The following SLCO3A1 variants were observed in gnomAD, a reference collection of about 807,000 sequenced individuals.
SLCO3A1 encodes PGE1 transporter.
SLCO3A1 carries 27 observed loss-of-function variants against 63.1 expected under a neutral mutation model. The observed-to-expected ratio is 0.43, with a 90% confidence interval of 0.32 to 0.59. The LOEUF (loss-of-function observed/expected upper bound fraction) is 0.59, where lower values mean the gene tolerates loss of function less well. Ranked by LOEUF, SLCO3A1 falls within the 20% of genes least tolerant of loss-of-function variation. The probability of loss-of-function intolerance (pLI) is 0.09; values close to 1 mark genes in which losing one functional copy is unlikely to be tolerated. For synonymous variants in SLCO3A1, 473 were observed against 409.9 expected (o/e 1.15, Z -1.86); for missense variants, 773 against 945.8 (o/e 0.82, Z 2.40).
intron 2 of SLCO3A1, among the ~76,000 whole-genome samples, chr15:92,020,152 A>G (rs780573129): frequency 3.9e-5 from 6 of 152,198 alleles, no homozygotes; most frequent in Non-Finnish European, 7.3e-5. Context: ...GTTTTTTACC[A>G]GCCAAGTAGA....
intron 6 of SLCO3A1, among the ~76,000 whole-genome samples, chr15:92,127,778 C>T (rs1425439558): frequency 6.6e-6 from 1 of 152,106 alleles, no homozygotes; most frequent in Non-Finnish European, 1.5e-5. Context: ...ATCAATTAGA[C>T]AATAATTATT....
chr15:91,975,557 A>G (rs576104874), intron 2 of SLCO3A1, among the ~76,000 whole-genome samples: 1 of 152,336 alleles, frequency 6.6e-6, no homozygotes, highest in East Asian at 1.9e-4. Flanking sequence ...GGTTCAGCCT[A>G]GGAGCTTGTT....
intron 2 of SLCO3A1, among the ~76,000 whole-genome samples, chr15:92,019,717 A>G (rs932611258): frequency 2.6e-5 from 4 of 152,210 alleles, no homozygotes; most frequent in Non-Finnish European, 5.9e-5. Flanking sequence ...GCAGGCAGGA[A>G]AGGGAGGCCT....
chr15:91,859,866 T>C lies in SLCO3A1; in HGVS notation c.180+5778T>C, dbSNP rs571008979. On this transcript the variant is annotated intron_variant, in intron 1 of 9. Transcript: ENST00000318445. This position sits in a 1 kb window ranked among gnomAD's most constrained non-coding sequence, Gnocchi z 5.1. ...AGCCCCAACCAATGAGAAATAAAAT[T>C]ATTTCAATTAAACTTTAGTTTTGGT... Among the ~76,000 whole-genome samples the C allele has an allele frequency of 3.3e-3, 497 of 152,306 alleles. 7 individuals carry two copies. The highest frequency in any genetic ancestry group is 0.011 in the African/African-American group (460 of 41,562).
intron 2 of SLCO3A1, among the ~76,000 whole-genome samples, chr15:92,028,246 G>A (rs12905838): frequency 4.6e-5 from 7 of 151,774 alleles, no homozygotes; most frequent in Admixed American, 1.3e-4. Context: ...CCACAAGTCC[G>A]TTGAAGTCCC....
chr15:92,008,605 A>C (rs1434798239), intron 2 of SLCO3A1, among the ~76,000 whole-genome samples: 1 of 152,228 alleles, frequency 6.6e-6, no homozygotes, highest in African/African-American at 2.4e-5. Flanking sequence ...TTGGGGAGTC[A>C]ACATTGACAC....
intron 2 of SLCO3A1, among the ~76,000 whole-genome samples, chr15:91,966,990 G>T (rs1354022773): frequency 6.6e-6 from 1 of 151,808 alleles, no homozygotes; most frequent in Non-Finnish European, 1.5e-5. Context: ...AGTTTTTTGG[G>T]GATTTTTTTT....
intron 1 of SLCO3A1, among the ~76,000 whole-genome samples, chr15:91,874,833 A>G (rs1048878913): frequency 6.6e-6 from 1 of 152,128 alleles, no homozygotes; most frequent in Non-Finnish European, 1.5e-5. Flanking sequence ...GTATCTGATT[A>G]TTTCCTCGTG....
rs2046684418 is a variant in SLCO3A1 at position 92,033,692 on chromosome 15, T to A, written c.647-61189T>A. Among the ~76,000 whole-genome samples the A allele has an allele frequency of 6.6e-6, 1 of 152,056 alleles. No homozygotes were observed. Among genetic ancestry groups the A allele is most frequent in the Admixed American group, 6.5e-5 (1 of 15,270 alleles). The stretch of plus-strand genomic sequence containing the variant: ...GGAGAGAGACAGTAAACAATATAAC[T>A]AAGAAGAGTAGGTGGTGGCTCGCTG... On this transcript the variant is annotated intron_variant, in intron 2 of 9. Transcript: ENST00000318445. This position sits in a 1 kb window ranked among gnomAD's most constrained non-coding sequence, Gnocchi z 4.5.
chr15:92,036,380 A>G (rs1431709271), intron 2 of SLCO3A1, among the ~76,000 whole-genome samples: 6 of 109,506 alleles, frequency 5.5e-5, no homozygotes, highest in African/African-American at 1.9e-4. Context: ...TTTTTTTTCT[A>G]TCTGTGTTTG....
At chr15:91,928,305 T>C (rs148518369) in intron 2 of SLCO3A1, among the ~76,000 whole-genome samples, 3 of 152,300 alleles carry the variant, frequency 2.0e-5, no homozygotes, top group African/African-American at 7.2e-5. Flanking sequence ...TTGCATATAC[T>C]CTCTCACTCC....
At chr15:92,005,417 A>G (rs1165695345) in intron 2 of SLCO3A1, among the ~76,000 whole-genome samples, 1 of 152,218 alleles carries the variant, frequency 6.6e-6, no homozygotes, top group African/African-American at 2.4e-5. Flanking sequence ...TGTCACTGCG[A>G]TCTTGACATC....
chr15:91,945,362 G>A (rs8029503), intron 2 of SLCO3A1, among the ~76,000 whole-genome samples: 3,535 of 147,790 alleles, frequency 0.024, 136 homozygotes, highest in African/African-American at 0.084. Context: ...AAAAAATTAC[G>A]TGGCTGGCAC....
chr15:92,131,661 A>G lies in SLCO3A1; in HGVS notation c.1512+3172A>G, dbSNP rs764019575. Among the ~76,000 whole-genome samples the G allele has an allele frequency of 3.1e-4, 45 of 145,352 alleles. 7 individuals are homozygous for G. ...GGGATTACAAGGCCTCTCACCTCTTAAAGAGCCACTTGGTAAGTGGAACTT... is the reference window on the plus strand; with the variant it reads ...GGGATTACAAGGCCTCTCACCTCTTGAAGAGCCACTTGGTAAGTGGAACTT... On this transcript the variant is annotated intron_variant, in intron 7 of 9. Transcript: ENST00000318445.
At chr15:91,921,556 T>TA (rs1488445550) in intron 2 of SLCO3A1, among the ~76,000 whole-genome samples, 1 of 152,134 alleles carries the variant, frequency 6.6e-6, no homozygotes, top group African/African-American at 2.4e-5. Context: ...GTTTTTTTTT[T>TA]AAATAACTTT....
At chr15:91,934,779 T>G (rs1292098272) in intron 2 of SLCO3A1, among the ~76,000 whole-genome samples, 9 of 152,248 alleles carry the variant, frequency 5.9e-5, no homozygotes. Context: ...TTTCTATTTT[T>G]CCGGTTGAAC....
chr15:91,932,848 G>T (rs960507953), intron 2 of SLCO3A1, among the ~76,000 whole-genome samples: 1 of 152,172 alleles, frequency 6.6e-6, no homozygotes, highest in African/African-American at 2.4e-5. Flanking sequence ...TTTCTTAGGG[G>T]CACTGATCTT....
chr15:91,999,600 G>C (rs957194736), intron 2 of SLCO3A1, among the ~76,000 whole-genome samples: 5 of 152,122 alleles, frequency 3.3e-5, no homozygotes, highest in Non-Finnish European at 7.3e-5. Flanking sequence ...AACACCAAGG[G>C]GTGGCAAAAA....
chr15:92,111,551 G>A (rs2047729952), intron 4 of SLCO3A1, among the ~76,000 whole-genome samples: 1 of 152,174 alleles, frequency 6.6e-6, no homozygotes, highest in Admixed American at 6.5e-5. Flanking sequence ...CATGTCACAG[G>A]AGTTGTTTTT....
Sources: gnomAD v4.1 joint callset for allele counts (sites outside exome capture counted in the v4.1 genomes callset) on GRCh38, gnomAD v4.1.1 for gene constraint, Gnocchi (gnomAD v3.1) non-coding constraint, MANE v1.5 for transcripts, NCBI Gene and HGNC (gene_info 2026-07-23, HGNC 2026-07-21) for gene names.